Variants in SIPA1L1 observed in about 807,000 individuals in gnomAD.
SIPA1L1 encodes the protein signal-induced proliferation-associated 1-like protein 1.
Under a neutral mutation model 162.7 loss-of-function variants are expected in SIPA1L1, and 26 were observed. That is an observed-to-expected ratio of 0.16 (90% CI 0.12 to 0.22). The LOEUF (loss-of-function observed/expected upper bound fraction) is 0.22, where lower values mean the gene tolerates loss of function less well. Among genes scored for constraint, SIPA1L1 ranks in the 10% least tolerant of loss-of-function variants. SIPA1L1 has a pLI of 1.00. For synonymous variants in SIPA1L1, 829 were observed against 837.4 expected, an observed-to-expected ratio of 0.99 and a Z score of 0.17; for missense variants, 1,874 against 2,241.0, an observed-to-expected ratio of 0.84 and a Z score of 3.31.
intron 12 of SIPA1L1, among the ~76,000 whole-genome samples, chr14:71,685,043 T>C (rs1467224067): frequency 6.6e-6 from 1 of 152,216 alleles, no homozygotes; most frequent in Non-Finnish European, 1.5e-5. Flanking sequence ...CCCGTCATGC[T>C]GTCCTGGTGG....
intron 10 of SIPA1L1, among the ~76,000 whole-genome samples, chr14:71,669,116 G>C (rs1282453923): frequency 1.3e-5 from 2 of 152,168 alleles, no homozygotes; most frequent in East Asian, 3.8e-4. Flanking sequence ...CTCATCTTCT[G>C]TAAGGATTCT....
chr14:71,602,101 T>C (rs1312910575), intron 5 of SIPA1L1, among the ~76,000 whole-genome samples: 3 of 152,164 alleles, frequency 2.0e-5, no homozygotes, highest in Non-Finnish European at 4.4e-5. Flanking sequence ...TTCCTTCTAC[T>C]AATTTTGGAT....
chr14:71,439,597 G>T (rs1001429847), intron 2 of SIPA1L1, among the ~76,000 whole-genome samples: 1 of 152,146 alleles, frequency 6.6e-6, no homozygotes, highest in African/African-American at 2.4e-5. Flanking sequence ...TCTAAGAAAA[G>T]TATTTGGCTG....
chr14:71,557,037 T>C (rs79874114), intron 4 of SIPA1L1, among the ~76,000 whole-genome samples: 1 of 152,294 alleles, frequency 6.6e-6, no homozygotes, highest in East Asian at 1.9e-4. Context: ...CCCAGCATTA[T>C]AACAAGGACT....
At chr14:71,680,538 A>G (rs2045699003) in intron 12 of SIPA1L1, among the ~76,000 whole-genome samples, 1 of 152,198 alleles carries the variant, frequency 6.6e-6, no homozygotes, top group Non-Finnish European at 1.5e-5. Context: ...AGCAAGAGCA[A>G]ACACATTCAA....
intron 4 of SIPA1L1, among the ~76,000 whole-genome samples, chr14:71,548,857 C>T (rs2055497913): frequency 7.3e-6 from 1 of 137,126 alleles, no homozygotes; most frequent in South Asian, 2.3e-4. Flanking sequence ...GGGATGGCTC[C>T]ACTGTACTCC....
At chr14:71,398,161 G>A (rs1055731034) in intron 2 of SIPA1L1, among the ~76,000 whole-genome samples, 1 of 151,902 alleles carries the variant, frequency 6.6e-6, no homozygotes, top group African/African-American at 2.4e-5. Context: ...GACTACAGGC[G>A]CCTGCCACTG....
Position 71,738,385 on chromosome 14 carries a change from G to A in SIPA1L1, c.5208+60G>A. On this transcript the variant is annotated intron_variant, in intron 23 of 23. Transcript: ENST00000381232. The stretch of plus-strand genomic sequence containing the variant: ...TGTACAAACTACCCTTGAACCATGA[G>A]AGCCCTTTCTAAGTAGCATGGTAAA... 4 of 1,161,796 alleles carry A rather than the reference G, an allele frequency of 3.4e-6. No individual in the cohort carries two copies. The Admixed American group carries it at 7.1e-5, about 21-fold the overall frequency. The allele number at this position is 1,161,796 out of a possible 1,614,324, so 72.0% of individuals were successfully genotyped here.
intron 2 of SIPA1L1, among the ~76,000 whole-genome samples, chr14:71,391,103 C>CTTTTTTTTTTTTTTTTTT (rs36003254): frequency 4.6e-5 from 5 of 108,460 alleles, no homozygotes; most frequent in Non-Finnish European, 8.9e-5. Context: ...TATTCAGTAT[C>CTTTTTTTTTTTTTTTTTT]TTTTTTTTTT....
At chr14:71,321,518 C>T (rs1235357381) in intron 2 of SIPA1L1, 1 of 152,362 alleles carries the variant, frequency 6.6e-6, no homozygotes, top group African/African-American at 2.4e-5. Context: ...GACCCTTCCC[C>T]TCCAGTCACC....
chr14:71,541,026 G>A (rs1410279732), intron 4 of SIPA1L1, among the ~76,000 whole-genome samples: 2 of 152,146 alleles, frequency 1.3e-5, no homozygotes, highest in Admixed American at 6.5e-5. Flanking sequence ...TACTCAGGAG[G>A]CTGAAGCAGG....
intron 4 of SIPA1L1, among the ~76,000 whole-genome samples, chr14:71,576,768 C>G (rs2147161770): frequency 6.6e-6 from 1 of 152,202 alleles, no homozygotes; most frequent in South Asian, 2.1e-4. Flanking sequence ...AATTCCAGGC[C>G]TAAAATCCAG....
rs562359407 is a variant in SIPA1L1 at position 71,568,806 on chromosome 14, C to T, written c.-302-18765C>T. On this transcript the variant is annotated intron_variant, in intron 4 of 23. Coordinates refer to ENST00000381232, the MANE Select transcript of SIPA1L1 (RefSeq NM_001386936.1). ...CACAGTACTATTATGGGTCCATTTC[C>T]GTTTTGTAAAAGTTTAACAAAATGT... 2.1e-3 allele frequency among the ~76,000 whole-genome samples: 320 copies of T among 152,212 alleles called. 2 individuals are homozygous for T. The highest frequency in any genetic ancestry group is 7.1e-3 in the African/African-American group (294 of 41,530).
chr14:71,566,836 C>T (rs2030709779), intron 4 of SIPA1L1, among the ~76,000 whole-genome samples: 1 of 152,056 alleles, frequency 6.6e-6, no homozygotes, highest in Non-Finnish European at 1.5e-5. Flanking sequence ...TTAAAATTTT[C>T]AAATACAGAT....
intron 2 of SIPA1L1, among the ~76,000 whole-genome samples, chr14:71,495,440 T>G (rs1365049253): frequency 6.6e-6 from 1 of 151,228 alleles, no homozygotes; most frequent in Non-Finnish European, 1.5e-5. Context: ...ATTTAAAATA[T>G]ATTTATATTT....
At chr14:71,492,522 G>A (rs1170736140) in intron 2 of SIPA1L1, among the ~76,000 whole-genome samples, 1 of 152,142 alleles carries the variant, frequency 6.6e-6, no homozygotes, top group Non-Finnish European at 1.5e-5. Flanking sequence ...TATAGGTCAT[G>A]TTAATATAAA....
At chr14:71,483,246 T>C (rs983599857) in intron 2 of SIPA1L1, among the ~76,000 whole-genome samples, 4 of 152,164 alleles carry the variant, frequency 2.6e-5, no homozygotes, top group African/African-American at 9.7e-5. Context: ...TGGGGTACCG[T>C]TTTTCTTTCT....
At chr14:71,533,214 C>G (rs371692223) in intron 4 of SIPA1L1, among the ~76,000 whole-genome samples, 12 of 152,112 alleles carry the variant, frequency 7.9e-5, no homozygotes, top group African/African-American at 2.4e-4. Context: ...TTTAAAAAAT[C>G]AAATCAAAAG....
chr14:71,524,307 C>T (rs140111364), intron 3 of SIPA1L1, among the ~76,000 whole-genome samples: 5 of 152,240 alleles, frequency 3.3e-5, no homozygotes, highest in Non-Finnish European at 7.4e-5. Flanking sequence ...TCTGCATTCC[C>T]TTCAGGGTGG....
Sources: allele counts gnomAD v4.1 joint callset (sites outside exome capture counted in the v4.1 genomes callset), GRCh38; gene constraint gnomAD v4.1.1; transcripts MANE v1.5; gene names NCBI Gene and HGNC (gene_info 2026-07-23, HGNC 2026-07-21).